Variants in RRP12 observed in about 807,000 individuals in gnomAD.
RRP12 encodes the protein RRP12-like protein.
RRP12 carries 78 observed loss-of-function variants against 157.3 expected under a neutral mutation model. The observed-to-expected ratio is 0.50, with a 90% CI of 0.41 to 0.60. The LOEUF is 0.60. Ranked by LOEUF, RRP12 falls within the 20% of genes least tolerant of loss-of-function variation. RRP12 has a pLI of 0.00. For missense variants in RRP12, 1,521 were observed against 1,679.9 expected (o/e 0.91, Z 1.65); for synonymous variants, 726 against 670.9 (o/e 1.08, Z -1.27).
At chr10:97,367,011 C>T (rs772846067) in intron 26 of RRP12, 30 bp downstream of exon 26, 2 of 1,612,708 alleles carry the variant, frequency 1.2e-6, no homozygotes, top group South Asian at 2.2e-5. Flanking sequence ...CCTCGCTTGC[C>T]CTACCCCCGC....
intron 25 of RRP12, among the ~76,000 whole-genome samples, chr10:97,367,533 C>T (rs576256963): frequency 6.6e-6 from 1 of 152,194 alleles, no homozygotes; most frequent in African/African-American, 2.4e-5. Flanking sequence ...TCAGCCCAGA[C>T]TCATCTAATG....
chr10:97,370,372 A>G, intron 23 of RRP12, 83 bp downstream of exon 23: 1 of 1,346,950 alleles, frequency 7.4e-7, no homozygotes, highest in Non-Finnish European at 1.0e-6. Context: ...CAGGGCACAG[A>G]GCTCTCCCCA....
chr10:97,386,038 G>A lies in RRP12; in HGVS notation c.1018-45C>T, dbSNP rs373838724. 3.4e-5 allele frequency: 46 copies of A among 1,351,040 alleles called. No individual in the cohort carries two copies. The African/African-American group carries it at 4.5e-4, about 13-fold the overall frequency. The allele number at this position is 1,351,040 out of a possible 1,614,324, so 83.7% of individuals were successfully genotyped here. ...CTTAGAAAGGAACTACAAAGCCCAC[G>A]GCTGGCCCTGGACCCCTCAACTCCA... On this transcript the variant is annotated intron_variant, in intron 8 of 33. Coordinates refer to ENST00000370992, the MANE Select transcript of RRP12 (RefSeq NM_015179.4).
Position 97,379,297 on chromosome 10 carries a change from G to A in RRP12, c.1794C>T (p.Ser598=). Reference sequence around the variant, plus strand: ...ACAGGCAAGGGTCTCTCCTACCTTTGCTCTTCAGGGTGTTAGCCAGGGGCA... The same window carrying A: ...ACAGGCAAGGGTCTCTCCTACCTTTACTCTTCAGGGTGTTAGCCAGGGGCA... ...YFLPLANTLK[S]KAMDLAQAGS... Residue 598 remains serine, a synonymous_variant, in exon 15 of 34, where the codon AGC becomes AGT. Coordinates refer to ENST00000370992, the MANE Select transcript of RRP12 (RefSeq NM_015179.4). The A allele has an allele frequency of 6.2e-7, 1 of 1,613,934 alleles. No individual in the cohort carries two copies. The highest frequency in any genetic ancestry group is 1.3e-5 in the African/African-American group (1 of 75,036).
At chr10:97,387,082 A>G (rs186594910) in intron 8 of RRP12, among the ~76,000 whole-genome samples, 2 of 152,212 alleles carry the variant, frequency 1.3e-5, no homozygotes, top group Non-Finnish European at 2.9e-5. Context: ...AAATCTACCA[A>G]TGCTCAAGTC....
At position 97,371,041 on chromosome 10, in the gene RRP12, A is replaced by T. The variant is rs1400713040; in HGVS notation, c.2384T>A (p.Leu795Gln). ...CTGAGGACTGGCACACACCTCCTCC[A>T]GCACTCGGTAGGCCTTCTTCTGCAC... ...HGVQKKAYRV[L>Q]EEVCASPQGP... The change falls in exon 21 of 34, where the codon CTG becomes CAG. Residue 795 changes from leucine to glutamine, a missense_variant. Physicochemically the swap from Leu to Gln is moderately radical, Grantham distance 113. Transcript: ENST00000370992. 1 of 1,613,780 alleles carries T rather than the reference A, an allele frequency of 6.2e-7. No individual in the cohort carries two copies. The highest frequency in any genetic ancestry group is 8.5e-7 in the Non-Finnish European group (1 of 1,179,984).
At chr10:97,359,139 C>T (rs1843782725) in intron 31 of RRP12, 129 bp from the exon 32 acceptor site, 1 of 636,406 alleles carries the variant, frequency 1.6e-6, no homozygotes, top group African/African-American at 1.8e-5. Context: ...TGGCTCTGTC[C>T]CCTATCAAAC....
intron 8 of RRP12, among the ~76,000 whole-genome samples, chr10:97,387,218 T>C (rs1844657820): frequency 6.6e-6 from 1 of 152,148 alleles, no homozygotes; most frequent in East Asian, 1.9e-4. Context: ...CTACACTCTG[T>C]TGTCTAAGGA....
chr10:97,373,618 C>T lies in RRP12; in HGVS notation c.1983G>A (p.Val661=). 6.2e-7 allele frequency: 1 copy of T among 1,612,592 alleles called. No individual in the cohort carries two copies. Among genetic ancestry groups the T allele is most frequent in the Non-Finnish European group, 8.5e-7 (1 of 1,179,416 alleles). The stretch of plus-strand genomic sequence containing the variant: ...TGATGAGGGTGCGCAGGGCCTGGCA[C>T]ACGGTGACCCTCAGGTCTGGACGCT... ...ISERPDLRVT[V]CQALRTLITK... is the part of the protein sequence containing the mutation. The change falls in exon 17 of 34, where the codon GTG becomes GTA. Residue 661 remains valine, a synonymous_variant. Transcript: ENST00000370992.
At chr10:97,363,990 C>A (rs1039612171) in intron 29 of RRP12, 87 bp from the exon 30 acceptor site, 1 of 1,213,144 alleles carries the variant, frequency 8.2e-7, no homozygotes, top group Non-Finnish European at 1.2e-6. Flanking sequence ...GCTCACCAGG[C>A]TGCGGGGCCA....
chr10:97,382,578 A>C lies in RRP12; in HGVS notation c.1209-752T>G, dbSNP rs537535240. ...AGATGAGGAAAGACACAGAGAAGTCAAATAACTTGCCCAAGGCCACCCAGC... is the reference window on the plus strand; with the variant it reads ...AGATGAGGAAAGACACAGAGAAGTCCAATAACTTGCCCAAGGCCACCCAGC... On this transcript the variant is annotated intron_variant, in intron 10 of 33. Coordinates refer to ENST00000370992, the MANE Select transcript of RRP12 (RefSeq NM_015179.4). Among the ~76,000 whole-genome samples, 40 of 152,336 alleles carry C rather than the reference A, an allele frequency of 2.6e-4. 1 individual carries two copies. Among genetic ancestry groups the C allele is most frequent in the African/African-American group, 8.9e-4 (37 of 41,580 alleles).
intron 10 of RRP12, among the ~76,000 whole-genome samples, 166 bp from the exon 11 acceptor site, chr10:97,381,992 T>G (rs956159031): frequency 2.0e-5 from 3 of 152,202 alleles, no homozygotes; most frequent in South Asian, 2.1e-4. Context: ...GGCACTATCG[T>G]TCAAGTAATA....
intron 33 of RRP12, among the ~76,000 whole-genome samples, chr10:97,357,957 C>T (rs1212471386): frequency 3.5e-5 from 5 of 143,962 alleles, no homozygotes; most frequent in Admixed American, 6.9e-5. Flanking sequence ...AGCGAGACTC[C>T]GTCTCAAAAA....
At chr10:97,381,309 G>T in intron 12 of RRP12, 77 bp downstream of exon 12, 1 of 1,039,994 alleles carries the variant, frequency 9.6e-7, no homozygotes, top group Admixed American at 2.6e-5. Context: ...AGTAGGTGGA[G>T]AGTGGAGCAT....
intron 2 of RRP12, 25 bp downstream of exon 2, chr10:97,400,280 T>C (rs751162608): frequency 1.9e-6 from 3 of 1,575,520 alleles, no homozygotes; most frequent in Non-Finnish European, 2.6e-6. Flanking sequence ...CACTATCCTA[T>C]GGCCCTCCCG....
At chr10:97,369,656 C>T in intron 24 of RRP12, 74 bp from the exon 25 acceptor site, 1 of 1,449,484 alleles carries the variant, frequency 6.9e-7, no homozygotes, top group Non-Finnish European at 9.4e-7. Context: ...CACTGGAAAA[C>T]AGCCACTCAA....
At chr10:97,391,260 G>A (rs902591196) in intron 4 of RRP12, among the ~76,000 whole-genome samples, 1 of 152,160 alleles carries the variant, frequency 6.6e-6, no homozygotes, top group Non-Finnish European at 1.5e-5. Flanking sequence ...TGATATACAA[G>A]TATCTTTTAA....
intron 32 of RRP12, 66 bp downstream of exon 32, chr10:97,358,877 C>A: frequency 6.1e-6 from 8 of 1,313,410 alleles, no homozygotes; most frequent in Non-Finnish European, 8.8e-6. Flanking sequence ...GGGCACAGCT[C>A]CTCCTTGCCC....
At chr10:97,371,104 G>A in intron 20 of RRP12, 23 bp from the exon 21 acceptor site, 1 of 1,609,824 alleles carries the variant, frequency 6.2e-7, no homozygotes, top group Non-Finnish European at 8.5e-7. Context: ...AACCGGTGAG[G>A]GAGGCCTGGG....
Sources: gnomAD v4.1 joint callset for allele counts (sites outside exome capture counted in the v4.1 genomes callset) on GRCh38, gnomAD v4.1.1 for gene constraint, MANE v1.5 for transcripts, NCBI Gene and HGNC (gene_info 2026-07-23, HGNC 2026-07-21) for gene names.